ATRNL1: variants seen among roughly 807,000 people sequenced by gnomAD.
The protein encoded by ATRNL1 is attractin like 1, also known as attractin-like protein 1.
In ATRNL1, 95 loss-of-function variants were observed where a neutral mutation model predicts 182.7. The observed-to-expected ratio is 0.52, with a 90% CI of 0.44 to 0.62. ATRNL1 has a LOEUF of 0.62. ATRNL1 is among the 20% of genes least tolerant of loss of function. The pLI is 0.00. For synonymous variants in ATRNL1, 576 were observed against 568.3 expected, an observed-to-expected ratio of 1.01 and a Z score of -0.19; for missense variants, 1,471 against 1,679.5, an observed-to-expected ratio of 0.88 and a Z score of 2.17.
chr10:115,319,614 A>T (rs189504382), intron 18 of ATRNL1, among the ~76,000 whole-genome samples: 1 of 151,838 alleles, frequency 6.6e-6, no homozygotes, highest in East Asian at 1.9e-4. Flanking sequence ...CTTCTTGTTG[A>T]ATTGTTCTCT....
intron 25 of ATRNL1, among the ~76,000 whole-genome samples, chr10:115,548,477 C>G (rs1208624783): frequency 6.6e-5 from 10 of 152,150 alleles, no homozygotes; most frequent in Non-Finnish European, 1.0e-4. Flanking sequence ...CTTGTAATGT[C>G]CAGTGACCAG....
chr10:115,143,766 A>G (rs1845848596), intron 5 of ATRNL1, among the ~76,000 whole-genome samples: 1 of 152,054 alleles, frequency 6.6e-6, no homozygotes, highest in African/African-American at 2.4e-5. Context: ...GAGAGTGTGA[A>G]CTTGTGAGAG....
chr10:115,660,234 G>A (rs35198933), intron 26 of ATRNL1, among the ~76,000 whole-genome samples: 23,257 of 152,008 alleles, frequency 0.15, 2,252 homozygotes, highest in Non-Finnish European at 0.22. Context: ...TGGTATTTGG[G>A]GGTCTGAATC....
chr10:115,719,861 CTT>C (rs35436098), intron 26 of ATRNL1, among the ~76,000 whole-genome samples: 5 of 128,674 alleles, frequency 3.9e-5, no homozygotes, highest in Admixed American at 1.7e-4. Flanking sequence ...CCCACACACT[CTT>C]TTTTTTTTTT....
At chr10:115,372,388 TA>T (rs199769169) in intron 19 of ATRNL1, among the ~76,000 whole-genome samples, 2,429 of 152,298 alleles carry the variant, frequency 0.016, 39 homozygotes, top group African/African-American at 0.044. Context: ...CATTTGTCTA[TA>T]TTTTTTTTGT....
At chr10:115,694,127 A>G (rs1318196689) in intron 26 of ATRNL1, among the ~76,000 whole-genome samples, 4 of 151,546 alleles carry the variant, frequency 2.6e-5, no homozygotes, top group Admixed American at 2.6e-4. Flanking sequence ...GTTCCTAAAT[A>G]TAACTTTCCT....
intron 15 of ATRNL1, among the ~76,000 whole-genome samples, chr10:115,288,257 G>A (rs1852723569): frequency 6.6e-6 from 1 of 152,072 alleles, no homozygotes; most frequent in Admixed American, 6.5e-5. Flanking sequence ...TAGTGGGATT[G>A]CTGGAACAAA....
At chr10:115,547,336 A>T (rs1852726347) in intron 25 of ATRNL1, among the ~76,000 whole-genome samples, 1 of 151,616 alleles carries the variant, frequency 6.6e-6, no homozygotes, top group African/African-American at 2.4e-5. Context: ...CTAACTTGTC[A>T]GTCAGCAACT....
intron 19 of ATRNL1, among the ~76,000 whole-genome samples, chr10:115,379,172 G>T (rs1857845457): frequency 6.6e-6 from 1 of 151,914 alleles, no homozygotes; most frequent in Non-Finnish European, 1.5e-5. Flanking sequence ...TGTTCCTTTA[G>T]TGTATATCTA....
chr10:115,591,339 A>G (rs1337282975), intron 26 of ATRNL1, among the ~76,000 whole-genome samples: 5 of 152,084 alleles, frequency 3.3e-5, no homozygotes, highest in Admixed American at 6.6e-5. Context: ...CAAAATTATG[A>G]ATCTTGGGGC....
chr10:115,279,413 T>C (rs1444002027), intron 13 of ATRNL1, among the ~76,000 whole-genome samples: 1 of 152,164 alleles, frequency 6.6e-6, no homozygotes, highest in Admixed American at 6.5e-5. Context: ...TTATCTTGTT[T>C]GTTGATTTCT....
intron 26 of ATRNL1, among the ~76,000 whole-genome samples, chr10:115,558,169 G>T (rs1182101211): frequency 1.3e-5 from 2 of 152,082 alleles, no homozygotes; most frequent in Non-Finnish European, 2.9e-5. Context: ...GAGTTGCCCG[G>T]GTCCTTGGAG....
intron 21 of ATRNL1, among the ~76,000 whole-genome samples, chr10:115,453,244 C>T (rs1847362455): frequency 6.6e-6 from 1 of 151,998 alleles, no homozygotes; most frequent in Non-Finnish European, 1.5e-5. Context: ...GATGGTAGTT[C>T]TATTTTTAAT....
At chr10:115,189,623 A>G (rs1227603181) in intron 8 of ATRNL1, among the ~76,000 whole-genome samples, 1 of 152,158 alleles carries the variant, frequency 6.6e-6, no homozygotes, top group Admixed American at 6.6e-5. Flanking sequence ...AAAAATTTTT[A>G]TAGCTGTAAA....
chr10:115,861,884 G>A (rs537394138), intron 28 of ATRNL1, among the ~76,000 whole-genome samples: 4 of 152,048 alleles, frequency 2.6e-5, no homozygotes, highest in South Asian at 2.1e-4. Context: ...TATGAGGATC[G>A]CTTGAGGCCA....
intron 13 of ATRNL1, 151 bp from the exon 14 acceptor site, chr10:115,281,204 A>C: frequency 1.7e-6 from 1 of 585,880 alleles, no homozygotes; most frequent in East Asian, 3.5e-5. Flanking sequence ...TAAACTAATG[A>C]AATAAATAAG....
At chr10:115,780,384 C>T (rs1270744695) in intron 27 of ATRNL1, among the ~76,000 whole-genome samples, 1 of 152,170 alleles carries the variant, frequency 6.6e-6, no homozygotes, top group Admixed American at 6.5e-5. Context: ...ACAGTCTAGG[C>T]CGTGAGGACG....
At chr10:115,884,805 A>G (rs1180116864) in intron 28 of ATRNL1, among the ~76,000 whole-genome samples, 1 of 152,240 alleles carries the variant, frequency 6.6e-6, no homozygotes, top group East Asian at 1.9e-4. Context: ...TTACAGGGAC[A>G]GAATTACAAG....
intron 26 of ATRNL1, among the ~76,000 whole-genome samples, chr10:115,694,217 TCA>T (rs2133979504): frequency 6.6e-6 from 1 of 151,380 alleles, no homozygotes; most frequent in South Asian, 2.1e-4. Flanking sequence ...CCACTGTATA[TCA>T]GTGTATAAAA....
Sources: gnomAD v4.1 joint callset for allele counts (sites outside exome capture counted in the v4.1 genomes callset) on GRCh38, gnomAD v4.1.1 for gene constraint, MANE v1.5 for transcripts, NCBI Gene and HGNC (gene_info 2026-07-23, HGNC 2026-07-21) for gene names.